TMEM230: variants seen among roughly 807,000 people sequenced by gnomAD.
The protein encoded by TMEM230 is transmembrane protein 230, also known as UPF0414 transmembrane protein C20orf30.
Under a neutral mutation model 15.8 loss-of-function variants are expected in TMEM230, and 10 were observed. That is an observed-to-expected ratio of 0.63 (90% CI 0.39 to 1.07). The LOEUF is 1.07. TMEM230 is among the 50% of genes least tolerant of loss of function. TMEM230 has a pLI of 0.01. For missense variants in TMEM230, 165 were observed against 193.3 expected (o/e 0.85, Z 0.87); for synonymous variants, 67 against 76.9 (o/e 0.87, Z 0.68).
chr20:5,099,784 G>C (rs1369543393), downstream of TMEM230: 1 of 909,720 alleles, frequency 1.1e-6, no homozygotes, highest in East Asian at 1.2e-4. Context: ...CAGCTACCTA[G>C]AAACTAAGGT....
intron 3 of TMEM230, among the ~76,000 whole-genome samples, chr20:5,072,887 A>G (rs1020037743): frequency 1.3e-5 from 2 of 149,078 alleles, no homozygotes; most frequent in African/African-American, 4.9e-5. Flanking sequence ...ATCAGTTCCA[A>G]CTTCTCTGTG....
intron 3 of TMEM230, among the ~76,000 whole-genome samples, chr20:5,071,515 T>C (rs550284255): frequency 2.8e-4 from 42 of 149,892 alleles, no homozygotes; most frequent in East Asian, 1.0e-3. Flanking sequence ...CCCAGCTACT[T>C]GGGAGGCCAA....
intron 4 of TMEM230, 96 bp downstream of exon 3, chr20:5,106,092 C>CAG: frequency 7.0e-7 from 1 of 1,437,188 alleles, no homozygotes. Context: ...CACACACACA[C>CAG]ACACACACAC....
At chr20:5,107,650 C>T (rs1193387215) in intron 3 of TMEM230, among the ~76,000 whole-genome samples, 2 of 150,444 alleles carry the variant, frequency 1.3e-5, no homozygotes, top group Admixed American at 6.6e-5. Flanking sequence ...CCTGTCTCTA[C>T]AAAAAATTTT....
At chr20:5,105,031 T>C (rs1255676974) in intron 4 of TMEM230, among the ~76,000 whole-genome samples, 1 of 152,262 alleles carries the variant, frequency 6.6e-6, no homozygotes, top group Non-Finnish European at 1.5e-5. Flanking sequence ...ACGCCTGTAA[T>C]CCCAGCACTT....
At chr20:5,112,021 A>G (rs1042490921) in intron 1 of TMEM230, among the ~76,000 whole-genome samples, 3 of 151,912 alleles carry the variant, frequency 2.0e-5, no homozygotes, top group African/African-American at 7.3e-5. Context: ...TAATTTTTCT[A>G]TTTTTAGTAG....
At chr20:5,069,140 T>C in exon 4 of TMEM230, 1 of 1,433,472 alleles carries the variant, frequency 7.0e-7, no homozygotes, top group Non-Finnish European at 9.3e-7. Flanking sequence ...TAGGACATTT[T>C]CAGTTTAGCC....
At chr20:5,092,944 A>G (rs2089553247) in intron 3 of TMEM230, among the ~76,000 whole-genome samples, 1 of 152,198 alleles carries the variant, frequency 6.6e-6, no homozygotes, top group Non-Finnish European at 1.5e-5. Flanking sequence ...GGAACAAGAC[A>G]AGGATCCCCA....
intron 3 of TMEM230, among the ~76,000 whole-genome samples, chr20:5,091,861 C>G (rs1259821325): frequency 6.6e-6 from 1 of 152,134 alleles, no homozygotes; most frequent in Non-Finnish European, 1.5e-5. Flanking sequence ...TAGATTAAAG[C>G]TGACACTGTA....
intron 3 of TMEM230, among the ~76,000 whole-genome samples, chr20:5,072,102 G>A (rs2088846619): frequency 6.6e-6 from 1 of 152,184 alleles, no homozygotes; most frequent in Non-Finnish European, 1.5e-5. Context: ...CCAGGCTGGA[G>A]TGCAGTGGCA....
At chr20:5,091,546 T>TG (rs2089507216) in intron 3 of TMEM230, among the ~76,000 whole-genome samples, 1 of 152,156 alleles carries the variant, frequency 6.6e-6, no homozygotes, top group Non-Finnish European at 1.5e-5. Flanking sequence ...TTCTCCCAAA[T>TG]ATCTTTGATC....
intron 1 of TMEM230, chr20:5,112,612 G>C (rs1341794576): frequency 9.2e-7 from 1 of 1,089,174 alleles, no homozygotes; most frequent in African/African-American, 1.7e-5. Flanking sequence ...TTGCCAACAG[G>C]CTTTTTACCA....
the TMEM230 span, among the ~76,000 whole-genome samples, chr20:5,059,486 G>A: frequency 6.6e-6 from 1 of 152,138 alleles, no homozygotes; most frequent in Non-Finnish European, 1.5e-5. Context: ...AGGAATAGAA[G>A]TGAGAAGATC....
At chr20:5,092,253 T>C (rs2089530063) in intron 3 of TMEM230, among the ~76,000 whole-genome samples, 1 of 152,094 alleles carries the variant, frequency 6.6e-6, no homozygotes, top group East Asian at 1.9e-4. Context: ...TAGTGGAAGA[T>C]CATCTTGAGT....
intron 3 of TMEM230, among the ~76,000 whole-genome samples, chr20:5,106,867 A>T (rs2090115630): frequency 6.6e-6 from 1 of 151,898 alleles, no homozygotes; most frequent in Non-Finnish European, 1.5e-5. Flanking sequence ...CACCATGCCC[A>T]GCTAATTTTT....
chr20:5,113,064 A>T lies in TMEM230; in HGVS notation c.-36T>A, dbSNP rs779594285. The T allele has an allele frequency of 1.8e-5, 27 of 1,539,732 alleles. 1 individual carries two copies. In the South Asian group the frequency reaches 3.1e-4, roughly 18 times the overall value. ...GCTTAAGTGCCACTCAGCCGGCCCC[A>T]GGCGGGATCAGTGCGCCGGAAGTGG... On this transcript the variant is annotated 5_prime_UTR_variant, in exon 1 of 5. Coordinates refer to ENST00000342308, the MANE Select transcript of TMEM230 (RefSeq NM_001009923.2).
chr20:5,062,371 A>G, the TMEM230 span, among the ~76,000 whole-genome samples: 1 of 124,542 alleles, frequency 8.0e-6, no homozygotes, highest in African/African-American at 3.6e-5. Flanking sequence ...CTCTGTCTCA[A>G]TTAAAAAAAA....
intron 3 of TMEM230, 177 bp downstream of exon 2, chr20:5,109,155 T>C: frequency 1.9e-6 from 1 of 533,384 alleles, no homozygotes; most frequent in Non-Finnish European, 3.3e-6. Context: ...GGTTTGAAAC[T>C]ACCCTGCCAC....
chr20:5,065,262 AAAG>A (rs919026215), downstream of TMEM230, among the ~76,000 whole-genome samples: 19 of 152,128 alleles, frequency 1.2e-4, no homozygotes, highest in African/African-American at 4.3e-4. Flanking sequence ...TCAAAAAAAA[AAAG>A]ATTAACTTCC....
Sources: allele counts gnomAD v4.1 joint callset (sites outside exome capture counted in the v4.1 genomes callset), GRCh38; gene constraint gnomAD v4.1.1; transcripts MANE v1.5; gene names NCBI Gene and HGNC (gene_info 2026-07-23, HGNC 2026-07-21).